KCNAB1: variants seen among roughly 807,000 people sequenced by gnomAD.
The protein encoded by KCNAB1 is potassium voltage-gated channel subfamily A regulatory beta subunit 1, also known as voltage-gated potassium channel subunit beta-1.
Under a neutral mutation model 64.6 loss-of-function variants are expected in KCNAB1, and 35 were observed. That is an observed-to-expected ratio of 0.54 (90% CI 0.41 to 0.72). The LOEUF (loss-of-function observed/expected upper bound fraction) is 0.72. KCNAB1 is among the 30% of genes least tolerant of loss of function. The pLI is 0.00. For missense variants in KCNAB1, 401 were observed against 512.9 expected, an observed-to-expected ratio of 0.78 and a Z score of 2.11; for synonymous variants, 177 against 183.8, an observed-to-expected ratio of 0.96 and a Z score of 0.30.
At chr3:156,422,123 G>A (rs1192556207) in intron 2 of KCNAB1, among the ~76,000 whole-genome samples, 1 of 152,088 alleles carries the variant, frequency 6.6e-6, no homozygotes, top group Admixed American at 6.5e-5. Flanking sequence ...GGCAAGGTGA[G>A]ATACACATAA....
intron 1 of KCNAB1, among the ~76,000 whole-genome samples, chr3:156,390,533 TTTCCTTCC>T (rs149026130): frequency 2.0e-5 from 3 of 150,830 alleles, no homozygotes; most frequent in Non-Finnish European, 2.9e-5. Flanking sequence ...TTGTGGTTGG[TTTCCTTCC>T]TTCCTTCCTT....
At chr3:156,267,613 C>T (rs911905587) in intron 1 of KCNAB1, among the ~76,000 whole-genome samples, 8 of 152,134 alleles carry the variant, frequency 5.3e-5, no homozygotes, top group African/African-American at 1.9e-4. Context: ...ATGGTTTGCT[C>T]ATTATTCCCT....
chr3:156,320,910 C>CT (rs113105509), intron 1 of KCNAB1, among the ~76,000 whole-genome samples: 20,737 of 145,746 alleles, frequency 0.14, 4,547 homozygotes, highest in African/African-American at 0.47. Context: ...TGCTTGTCTA[C>CT]TTTTTTTTTT....
intron 5 of KCNAB1, among the ~76,000 whole-genome samples, chr3:156,460,726 T>A (rs766151876): frequency 1.3e-5 from 2 of 152,228 alleles, no homozygotes; most frequent in Non-Finnish European, 2.9e-5. Flanking sequence ...CTTCAACACT[T>A]AGCATGTATT....
At position 156,158,187 on chromosome 3, in the gene KCNAB1, T is replaced by G. The variant is rs201271313; in HGVS notation, c.275+37301T>G. Reference sequence around the variant, plus strand: ...CTCAAAAAAAAAAATAAAAAATAAATAAATAAATAAATAAATAAATAAATA... The same window carrying G: ...CTCAAAAAAAAAAATAAAAAATAAAGAAATAAATAAATAAATAAATAAATA... On this transcript the variant is annotated intron_variant, in intron 1 of 13. Transcript: ENST00000490337. 1.8e-3 allele frequency among the ~76,000 whole-genome samples: 122 copies of G among 67,160 alleles called. 4 individuals carry two copies. Among genetic ancestry groups the G allele is most frequent in the African/African-American group, 5.3e-3 (118 of 22,412 alleles). 44.1% of individuals were successfully genotyped at this position (67,160 alleles called of 152,430 possible). A position where few individuals can be genotyped will look rare whatever the true frequency, so the allele number is the denominator to read the frequency against.
intron 7 of KCNAB1, among the ~76,000 whole-genome samples, chr3:156,468,991 A>G (rs151024196): frequency 1.3e-5 from 2 of 152,376 alleles, no homozygotes; most frequent in East Asian, 3.9e-4. Context: ...GTCAGCTTAC[A>G]GAACCACGCT....
At chr3:156,524,676 G>C (rs973631667) in intron 12 of KCNAB1, among the ~76,000 whole-genome samples, 1 of 146,024 alleles carries the variant, frequency 6.8e-6, no homozygotes, top group Non-Finnish European at 1.5e-5. Context: ...GAACCCGAGT[G>C]GCGGAGCTTG....
intron 1 of KCNAB1, among the ~76,000 whole-genome samples, chr3:156,390,235 A>C (rs1473316662): frequency 6.6e-6 from 1 of 152,188 alleles, no homozygotes; most frequent in African/African-American, 2.4e-5. Context: ...GGTCTGAGGG[A>C]TAGACCAGAG....
chr3:156,129,310 C>T (rs532201567), intron 1 of KCNAB1, among the ~76,000 whole-genome samples: 9 of 152,206 alleles, frequency 5.9e-5, no homozygotes, highest in South Asian at 2.1e-4. Flanking sequence ...CTCTATGTAC[C>T]GAATACTCTG....
At chr3:156,174,206 C>T (rs1157215318) in intron 1 of KCNAB1, among the ~76,000 whole-genome samples, 1 of 152,166 alleles carries the variant, frequency 6.6e-6, no homozygotes, top group Non-Finnish European at 1.5e-5. Context: ...TCAAGGCTAG[C>T]CTTCTTATCT....
intron 3 of KCNAB1, 147 bp from the exon 4 acceptor site, chr3:156,457,306 C>T: frequency 7.0e-7 from 1 of 1,425,328 alleles, no homozygotes; most frequent in African/African-American, 1.7e-5. Context: ...GCTGAGACTT[C>T]TTTCTTTCCC....
chr3:156,416,212 A>G (rs780020007), intron 1 of KCNAB1, among the ~76,000 whole-genome samples: 48 of 151,928 alleles, frequency 3.2e-4, no homozygotes, highest in Non-Finnish European at 5.6e-4. Flanking sequence ...CCTTCAACCC[A>G]TTTTCCCTGC....
chr3:156,370,790 G>A (rs1269962483), intron 1 of KCNAB1, among the ~76,000 whole-genome samples: 1 of 152,200 alleles, frequency 6.6e-6, no homozygotes, highest in African/African-American at 2.4e-5. Flanking sequence ...AGGAGACGTG[G>A]GGTTTTATTA....
chr3:156,234,016 C>T (rs1440996739), intron 1 of KCNAB1, among the ~76,000 whole-genome samples: 3 of 151,798 alleles, frequency 2.0e-5, no homozygotes, highest in Non-Finnish European at 4.4e-5. Flanking sequence ...ACGAGAGACA[C>T]CTGGGCTAGA....
In KCNAB1 at chr3:156,428,488, TACACAC is replaced by T. The variant is rs4056995; in HGVS notation, c.319+6870_319+6875del. 6.8e-3 allele frequency among the ~76,000 whole-genome samples: 871 copies of T among 127,538 alleles called. 6 individuals are homozygous for T. The highest frequency in any genetic ancestry group is 0.018 in the African/African-American group (551 of 31,224). 83.7% of individuals were successfully genotyped at this position (127,538 alleles called of 152,430 possible). ...GAGCCAATTCCTTATAATTCCTCTA[TACACAC>T]ACACACACACACACACACACACACA... On this transcript the variant is annotated intron_variant, in intron 2 of 13. Coordinates refer to ENST00000490337, the MANE Select transcript of KCNAB1 (RefSeq NM_172160.3).
intron 1 of KCNAB1, among the ~76,000 whole-genome samples, chr3:156,278,502 C>T (rs1387462586): frequency 6.6e-6 from 1 of 152,168 alleles, no homozygotes; most frequent in Non-Finnish European, 1.5e-5. Context: ...TAACACAGTG[C>T]TTGCAACATA....
At chr3:156,152,303 G>T (rs918300452) in intron 1 of KCNAB1, among the ~76,000 whole-genome samples, 1 of 152,212 alleles carries the variant, frequency 6.6e-6, no homozygotes, top group African/African-American at 2.4e-5. Flanking sequence ...AGCACTGATG[G>T]ACCACAGACA....
At chr3:156,121,565 C>T (rs1713348295) in intron 1 of KCNAB1, among the ~76,000 whole-genome samples, 1 of 152,094 alleles carries the variant, frequency 6.6e-6, no homozygotes, top group Non-Finnish European at 1.5e-5. Context: ...CAAGGCAAAA[C>T]GTACTGAGTA....
intron 1 of KCNAB1, among the ~76,000 whole-genome samples, chr3:156,386,755 A>T (rs946376685): frequency 5.4e-4 from 82 of 152,202 alleles, no homozygotes; most frequent in Non-Finnish European, 1.8e-4. Flanking sequence ...ATCTCTGAGG[A>T]AATCTACCAA....
Sources: gnomAD v4.1 joint callset for allele counts (sites outside exome capture counted in the v4.1 genomes callset) on GRCh38, gnomAD v4.1.1 for gene constraint, MANE v1.5 for transcripts, NCBI Gene and HGNC (gene_info 2026-07-23, HGNC 2026-07-21) for gene names.